Variants in LMNTD1 observed in about 807,000 individuals in gnomAD.
LMNTD1 encodes the protein lamin tail domain containing 1.
In LMNTD1, 35 loss-of-function variants were observed where a neutral mutation model predicts 50.9. The observed-to-expected ratio is 0.69, with a 90% CI of 0.53 to 0.91. The LOEUF (loss-of-function observed/expected upper bound fraction) is 0.91. Among genes scored for constraint, LMNTD1 ranks in the 40% least tolerant of loss-of-function variants. The probability of loss-of-function intolerance (pLI) is 0.00; values close to 1 mark genes in which losing one functional copy is unlikely to be tolerated. For synonymous variants in LMNTD1, 153 were observed against 161.9 expected (o/e 0.94, Z 0.42); for missense variants, 470 against 475.5 (o/e 0.99, Z 0.11).
chr12:25,503,179 G>A (rs1939482449), intron 9 of LMNTD1: 2 of 152,032 alleles, frequency 1.3e-5, no homozygotes, highest in Admixed American at 1.3e-4. Context: ...TAGCTATTTA[G>A]GGAAGCATTT....
chr12:25,622,463 G>GGCCCC (rs1946491734), intron 1 of LMNTD1, among the ~76,000 whole-genome samples: 5 of 111,154 alleles, frequency 4.5e-5, no homozygotes, highest in Non-Finnish European at 8.1e-5. Context: ...GAGTTTGTGA[G>GGCCCC]CCCGCCCCCC....
chr12:25,510,907 G>A (rs1333195867), intron 8 of LMNTD1, among the ~76,000 whole-genome samples: 1 of 152,136 alleles, frequency 6.6e-6, no homozygotes, highest in African/African-American at 2.4e-5. Context: ...AGATAAAAGA[G>A]AATTTACAAT....
intron 5 of LMNTD1, 81 bp from the exon 6 acceptor site, chr12:25,526,299 C>T: frequency 7.5e-7 from 1 of 1,331,652 alleles, no homozygotes; most frequent in Non-Finnish European, 1.0e-6. Flanking sequence ...CCAACATAAT[C>T]TTTCTGAACA....
intron 4 of LMNTD1, among the ~76,000 whole-genome samples, chr12:25,530,024 CTTA>C (rs1301441701): frequency 1.3e-5 from 2 of 152,050 alleles, no homozygotes; most frequent in Non-Finnish European, 2.9e-5. Context: ...TTTCAGCCTT[CTTA>C]TTATTTTCCT....
chr12:25,477,356 G>A (rs556251885), intron 9 of LMNTD1, among the ~76,000 whole-genome samples: 3 of 151,866 alleles, frequency 2.0e-5, no homozygotes, highest in Non-Finnish European at 4.4e-5. Flanking sequence ...GAAATAAGAG[G>A]AAAAGAGTCA....
intron 1 of LMNTD1, among the ~76,000 whole-genome samples, chr12:25,579,465 T>C (rs1317308325): frequency 6.6e-6 from 1 of 152,154 alleles, no homozygotes. Context: ...CTGCAGAAGG[T>C]CCTGGAACCA....
intron 1 of LMNTD1, among the ~76,000 whole-genome samples, chr12:25,625,262 C>T (rs1200749548): frequency 6.6e-6 from 1 of 152,182 alleles, no homozygotes; most frequent in African/African-American, 2.4e-5. Context: ...TGGTTTCATC[C>T]TGCCTCATCC....
rs746504488 is a variant in LMNTD1, at chr12:25,546,392, A to G, written c.473T>C (p.Val158Ala). 5.0e-6 allele frequency: 8 copies of G among 1,585,578 alleles called. No individual in the cohort carries two copies. The East Asian group carries it at 6.8e-5, about 14-fold the overall frequency. ...TATGTACCTGGAGGTAAATTGGCCAACTTCTTCAAGAATCATAGAAAAGTA... is the reference window on the plus strand; with the variant it reads ...TATGTACCTGGAGGTAAATTGGCCAGCTTCTTCAAGAATCATAGAAAAGTA... The part of the protein sequence containing the change: ...LKYFSMILEE[V>A]GQFTSSSLGD... The change falls in exon 4 of 10, where the codon GTT (valine) becomes GCT (alanine). Residue 158 changes from valine to alanine, a missense_variant. By Grantham distance (64) the Val-to-Ala change is moderately conservative. Transcript: ENST00000458174.
intron 1 of LMNTD1, among the ~76,000 whole-genome samples, chr12:25,648,322 A>T (rs1565537199): frequency 1.3e-5 from 2 of 152,324 alleles, no homozygotes; most frequent in East Asian, 3.9e-4. Context: ...ATCTCAATTC[A>T]TGCCATTTTT....
At chr12:25,642,299 T>C (rs894861622) in intron 1 of LMNTD1, among the ~76,000 whole-genome samples, 3 of 152,068 alleles carry the variant, frequency 2.0e-5, no homozygotes, top group Non-Finnish European at 2.9e-5. Context: ...GTAATTAGGT[T>C]TAAATAAGGT....
intron 6 of LMNTD1, 68 bp from the exon 7 acceptor site, chr12:25,520,143 T>TAG (rs1243291668): frequency 1.2e-5 from 1 of 84,164 alleles, no homozygotes; most frequent in East Asian, 2.1e-4. Context: ...TTATGAGATA[T>TAG]ACATATATAT....
intron 9 of LMNTD1, among the ~76,000 whole-genome samples, chr12:25,488,477 G>T (rs2135915199): frequency 6.8e-6 from 1 of 146,214 alleles, no homozygotes; most frequent in African/African-American, 2.5e-5. Flanking sequence ...TTGGTTTTCA[G>T]CTCCGTCAGC....
At chr12:25,642,432 A>G (rs60280046) in intron 1 of LMNTD1, among the ~76,000 whole-genome samples, 1 of 152,164 alleles carries the variant, frequency 6.6e-6, no homozygotes, top group Non-Finnish European at 1.5e-5. Flanking sequence ...ATGAACCAGA[A>G]GGAGGGCCCT....
intron 1 of LMNTD1, among the ~76,000 whole-genome samples, chr12:25,558,611 T>G (rs1944140397): frequency 6.6e-6 from 1 of 152,198 alleles, no homozygotes; most frequent in Non-Finnish European, 1.5e-5. Flanking sequence ...CGACACTGGG[T>G]AATTTATAAA....
At chr12:25,619,217 ACTCTCTCTCT>A (rs143233739) in intron 1 of LMNTD1, among the ~76,000 whole-genome samples, 13,868 of 120,110 alleles carry the variant, frequency 0.12, 956 homozygotes, top group African/African-American at 0.17. Context: ...ATGCTTTTCA[ACTCTCTCTCT>A]CTCTCTCTCT....
At chr12:25,591,764 A>T (rs1327834619) in intron 1 of LMNTD1, among the ~76,000 whole-genome samples, 1 of 147,570 alleles carries the variant, frequency 6.8e-6, no homozygotes, top group Non-Finnish European at 1.5e-5. Flanking sequence ...GGTGGTGGCC[A>T]CAGGGGTGCT....
chr12:25,517,959 G>A (rs1457303196), intron 8 of LMNTD1, among the ~76,000 whole-genome samples: 2 of 152,058 alleles, frequency 1.3e-5, no homozygotes, highest in Non-Finnish European at 2.9e-5. Context: ...GGAAGAATAA[G>A]GGGGTCATGA....
intron 8 of LMNTD1, among the ~76,000 whole-genome samples, chr12:25,511,255 T>G (rs926549667): frequency 6.6e-5 from 10 of 151,968 alleles, no homozygotes; most frequent in Admixed American, 2.0e-4. Flanking sequence ...ATGAGGGCAA[T>G]GGGGAGAAAA....
intron 8 of LMNTD1, among the ~76,000 whole-genome samples, chr12:25,515,944 T>A (rs1940729548): frequency 9.6e-6 from 1 of 104,146 alleles, no homozygotes; most frequent in Non-Finnish European, 2.2e-5. Flanking sequence ...TTGTCTGGTT[T>A]TTTTTCTTTG....
Sources: allele counts gnomAD v4.1 joint callset (sites outside exome capture counted in the v4.1 genomes callset), GRCh38; gene constraint gnomAD v4.1.1; transcripts MANE v1.5; gene names NCBI Gene and HGNC (gene_info 2026-07-23, HGNC 2026-07-21).